The following RAB11FIP4 variants were observed in gnomAD, a reference collection of about 807,000 sequenced individuals.
RAB11FIP4 encodes RAB11 family interacting protein 4, also known as rab11 family-interacting protein 4.
Under a neutral mutation model 74.3 loss-of-function variants are expected in RAB11FIP4, and 23 were observed. The ratio of observed to expected loss-of-function variants is 0.31; its 90% CI spans 0.22 to 0.44. The LOEUF (loss-of-function observed/expected upper bound fraction) is 0.44, where lower values mean the gene tolerates loss of function less well. Ranked by LOEUF, RAB11FIP4 falls within the 20% of genes least tolerant of loss-of-function variation. The pLI is 1.00. For synonymous variants in RAB11FIP4, 360 were observed against 359.9 expected (o/e 1.00, Z 0.00); for missense variants, 630 against 863.9 (o/e 0.73, Z 3.39).
intron 10 of RAB11FIP4, chr17:31,527,529 G>A (rs748021326): frequency 1.8e-5 from 5 of 271,358 alleles, no homozygotes; most frequent in Non-Finnish European, 2.8e-5. Flanking sequence ...GAAGGAGTTA[G>A]AGGTTGCAGA....
chr17:31,502,708 A>T (rs1035919930), intron 3 of RAB11FIP4, among the ~76,000 whole-genome samples: 1 of 152,150 alleles, frequency 6.6e-6, no homozygotes, highest in Non-Finnish European at 1.5e-5. Flanking sequence ...TTCCTAGGGG[A>T]GGAGAAGGGA....
Position 31,391,989 on chromosome 17 carries a change from T to A in RAB11FIP4, c.137T>A (p.Leu46Gln). Reference sequence around the variant, plus strand: ...GTGGAGCGCGTCGCGGCGCTCGGACTGCGCTTCGGCCAGGGCGAGGAGGTA... The same window carrying A: ...GTGGAGCGCGTCGCGGCGCTCGGACAGCGCTTCGGCCAGGGCGAGGAGGTA... The part of the protein sequence containing the change: ...LRVERVAALG[L>Q]RFGQGEEVEK... Residue 46 changes from leucine (L) to glutamine (Q), a missense_variant, in exon 1 of 15, where the codon CTG (leucine) becomes CAG (glutamine). Leu to Gln is a moderately radical substitution (Grantham distance 113). Coordinates refer to ENST00000621161, the MANE Select transcript of RAB11FIP4 (RefSeq NM_032932.6). 7.4e-7 allele frequency: 1 copy of A among 1,347,200 alleles called. No individual in the cohort carries two copies. The highest frequency in any genetic ancestry group is 9.5e-7 in the Non-Finnish European group (1 of 1,048,400). The allele number at this position is 1,347,200 out of a possible 1,614,324, so 83.5% of individuals were successfully genotyped here.
intron 1 of RAB11FIP4, among the ~76,000 whole-genome samples, chr17:31,415,085 G>GC (rs1262602287): frequency 6.6e-6 from 1 of 152,212 alleles, no homozygotes; most frequent in Non-Finnish European, 1.5e-5. Flanking sequence ...CTCTCCCAGA[G>GC]CCCCCTGCAG....
intron 1 of RAB11FIP4, among the ~76,000 whole-genome samples, chr17:31,419,262 T>C (rs560425198): frequency 2.6e-5 from 4 of 151,720 alleles, no homozygotes; most frequent in African/African-American, 7.3e-5. Context: ...TTCCCTTATA[T>C]TTCTACTTTG....
At chr17:31,423,666 C>T (rs939872081) in intron 1 of RAB11FIP4, among the ~76,000 whole-genome samples, 5 of 151,694 alleles carry the variant, frequency 3.3e-5, no homozygotes, top group Non-Finnish European at 7.4e-5. Flanking sequence ...AGTATACATA[C>T]TCCAGGGGCC....
intron 3 of RAB11FIP4, among the ~76,000 whole-genome samples, chr17:31,450,073 A>G (rs756967175): frequency 2.6e-5 from 4 of 152,170 alleles, no homozygotes; most frequent in Non-Finnish European, 4.4e-5. Flanking sequence ...TCTTACAGTG[A>G]TGTAGAACAA....
intron 9 of RAB11FIP4, 96 bp downstream of exon 9, chr17:31,524,092 C>G (rs1386838604): frequency 7.1e-6 from 6 of 841,134 alleles, no homozygotes; most frequent in Non-Finnish European, 1.2e-5. Flanking sequence ...CAGCCTCATG[C>G]CTTTGCAGCT....
chr17:31,477,899 G>A (rs556194608), intron 3 of RAB11FIP4, among the ~76,000 whole-genome samples: 2 of 152,088 alleles, frequency 1.3e-5, no homozygotes, highest in East Asian at 1.9e-4. Flanking sequence ...TACCTGCCTC[G>A]TAGGGTTGTC....
At chr17:31,492,329 A>G (rs1260735304) in intron 3 of RAB11FIP4, among the ~76,000 whole-genome samples, 2 of 152,146 alleles carry the variant, frequency 1.3e-5, no homozygotes, top group Middle Eastern at 3.2e-3. Context: ...CCCAGATCAT[A>G]TATATGTGTG....
chr17:31,484,167 T>G lies in RAB11FIP4; in HGVS notation c.337-33484T>G, dbSNP rs572877549. Among the ~76,000 whole-genome samples, 44 of 150,500 alleles carry G rather than the reference T, an allele frequency of 2.9e-4. 1 individual carries two copies. The South Asian group carries it at 7.0e-3, about 24-fold the overall frequency. On this transcript the variant is annotated intron_variant, in intron 3 of 14. Transcript: ENST00000621161. ...CTCACTGCAACCTCCACCTCTCAGG[T>G]TCAAGTGATTCTCCTGCCTCAGCCT...
chr17:31,524,145 C>A (rs924271001), intron 9 of RAB11FIP4, 149 bp downstream of exon 9: 2 of 639,492 alleles, frequency 3.1e-6, no homozygotes, highest in Non-Finnish European at 5.6e-6. Flanking sequence ...CATGGCCCTG[C>A]CCACATGTGG....
chr17:31,525,807 G>T, intron 10 of RAB11FIP4: 1 of 154,868 alleles, frequency 6.5e-6, no homozygotes, highest in Non-Finnish European at 1.4e-5. Context: ...CCACGGGTGA[G>T]GGCTATGATG....
rs189668962 is a variant in RAB11FIP4, at chr17:31,523,566, G to A, written c.984G>A (p.Leu328=). 34 of 1,614,148 alleles carry A rather than the reference G, an allele frequency of 2.1e-5. No individual in the cohort carries two copies. In the Admixed American group the frequency reaches 3.7e-4, roughly 17 times the overall value. ...FSSSNGSTED[L]FRDSIDSCDN... ...GCAGCAATGGCAGCACCGAAGACCT[G>A]TTCCGGGACAGCATTGACTCTTGCG... The change falls in exon 8 of 15, where the codon CTG becomes CTA. Residue 328 remains leucine (L), a synonymous_variant. Coordinates refer to ENST00000621161, the MANE Select transcript of RAB11FIP4 (RefSeq NM_032932.6).
intron 5 of RAB11FIP4, 68 bp from the exon 6 acceptor site, chr17:31,521,847 A>G: frequency 1.3e-6 from 2 of 1,595,580 alleles, no homozygotes; most frequent in South Asian, 2.2e-5. Context: ...AAGTCAGCTC[A>G]GCAGGGTGGT....
chr17:31,537,152 C>T lies in RAB11FIP4; in HGVS notation c.*5420C>T, dbSNP rs1019414344. The T allele has an allele frequency of 3.0e-5, 12 of 399,528 alleles. No individual in the cohort carries two copies. The highest frequency in any genetic ancestry group is 5.3e-5 in the Non-Finnish European group (12 of 226,376). 24.7% of individuals were successfully genotyped at this position (399,528 alleles called of 1,614,324 possible). A position where few individuals can be genotyped will look rare whatever the true frequency, so the allele number is the denominator to read the frequency against. On this transcript the variant is annotated 3_prime_UTR_variant, in exon 15 of 15. Transcript: ENST00000621161. ...TGTCCTTGTGCCTTTTCTTCCCCAT[C>T]GCCACTGTACAGGATTTTCCACATT...
intron 3 of RAB11FIP4, among the ~76,000 whole-genome samples, chr17:31,493,008 C>T (rs904094516): frequency 1.3e-5 from 2 of 152,012 alleles, no homozygotes; most frequent in African/African-American, 2.4e-5. Flanking sequence ...CTACAAGGGT[C>T]GTATGAAGGT....
chr17:31,447,114 C>G (rs1379639033), intron 3 of RAB11FIP4, among the ~76,000 whole-genome samples: 1 of 152,210 alleles, frequency 6.6e-6, no homozygotes, highest in Non-Finnish European at 1.5e-5. Context: ...GAAACCCCGT[C>G]TCCACTAAAA....
At chr17:31,506,546 C>G (rs1257412226) in intron 3 of RAB11FIP4, among the ~76,000 whole-genome samples, 2 of 152,222 alleles carry the variant, frequency 1.3e-5, no homozygotes, top group East Asian at 1.9e-4. Flanking sequence ...CCTCCCTTCT[C>G]CTACCCTCTC....
At chr17:31,520,647 A>G (rs986232906) in intron 4 of RAB11FIP4, among the ~76,000 whole-genome samples, 1 of 152,058 alleles carries the variant, frequency 6.6e-6, no homozygotes, top group African/African-American at 2.4e-5. Flanking sequence ...AGCTGCGACT[A>G]CAGGTGCTCG....
Sources: allele counts gnomAD v4.1 joint callset (sites outside exome capture counted in the v4.1 genomes callset), GRCh38; gene constraint gnomAD v4.1.1; transcripts MANE v1.5; gene names NCBI Gene and HGNC (gene_info 2026-07-23, HGNC 2026-07-21).